The following MPZL3 variants were observed in gnomAD, a reference collection of about 807,000 sequenced individuals.
MPZL3 encodes the protein myelin protein zero-like protein 3.
In MPZL3, 23 loss-of-function variants were observed where a neutral mutation model predicts 24.8. That is an observed-to-expected ratio of 0.93 (90% CI 0.67 to 1.31). The LOEUF is 1.31. Among genes scored for constraint, MPZL3 ranks in the 40% most tolerant of loss-of-function variants. MPZL3 has a pLI of 0.00. For synonymous variants in MPZL3, 99 were observed against 106.5 expected (o/e 0.93, Z 0.44); for missense variants, 277 against 294.9 (o/e 0.94, Z 0.44).
In MPZL3 at chr11:118,229,258, CTGTACTTAATACT is replaced by C. The variant is rs1801407291; in HGVS notation, c.*623_*635del. 1 of 151,874 alleles carries C rather than the reference CTGTACTTAATACT, an allele frequency of 6.6e-6. No homozygotes were observed. Among genetic ancestry groups the C allele is most frequent in the Non-Finnish European group, 1.5e-5 (1 of 67,982 alleles). 9.4% of individuals were successfully genotyped at this position (151,874 alleles called of 1,614,324 possible). ...TTTCCTTAACTGTAAATTGATGACA[CTGTACTTAATACT>C]TTAAAAACCCAGTCAAAGCAAACCA... On this transcript the variant is annotated 3_prime_UTR_variant, in exon 6 of 6. Transcript: ENST00000278949.
intron 1 of MPZL3, among the ~76,000 whole-genome samples, chr11:118,248,079 T>TTA (rs1313408837): frequency 8.2e-6 from 1 of 122,100 alleles, no homozygotes; most frequent in East Asian, 2.0e-4. Flanking sequence ...TCTTTTTTTT[T>TTA]TTTTTTTTTT....
chr11:118,240,499 C>T, intron 1 of MPZL3, 122 bp from the exon 2 acceptor site: 1 of 963,942 alleles, frequency 1.0e-6, no homozygotes, highest in Non-Finnish European at 1.5e-6. Context: ...TAACAACTAT[C>T]TTCTCAGGCA....
intron 1 of MPZL3, among the ~76,000 whole-genome samples, chr11:118,246,693 T>G (rs540826331): frequency 2.5e-4 from 37 of 148,720 alleles, no homozygotes; most frequent in African/African-American, 9.2e-4. Context: ...CAAGTGATCC[T>G]CCCATCTCAG....
chr11:118,240,461 C>G lies in MPZL3; in HGVS notation c.74-84G>C, dbSNP rs1949480370. On this transcript the variant is annotated intron_variant, in intron 1 of 5. Coordinates refer to ENST00000278949, the MANE Select transcript of MPZL3 (RefSeq NM_198275.3). Reference sequence around the variant, plus strand: ...TGAGTGAACAATTATTTTTAGAGCCCTCATCAAAAAGCCAGAGCAATAAAT... The same window carrying G: ...TGAGTGAACAATTATTTTTAGAGCCGTCATCAAAAAGCCAGAGCAATAAAT... 1.1e-5 allele frequency: 16 copies of G among 1,406,544 alleles called. No homozygotes were observed. The East Asian group carries it at 4.3e-4, about 38-fold the overall frequency. The allele number at this position is 1,406,544 out of a possible 1,614,324, so 87.1% of individuals were successfully genotyped here.
chr11:118,228,069 C>T lies in MPZL3; in HGVS notation c.*1825G>A, dbSNP rs1949293923. On this transcript the variant is annotated 3_prime_UTR_variant, in exon 6 of 6. Transcript: ENST00000278949. The stretch of plus-strand genomic sequence containing the variant: ...TTTAACCACTGGAAATGTAAACTGC[C>T]GGTCCTGTCTTTGCCCTTCTACTTC... The T allele has an allele frequency of 6.6e-6, 1 of 152,146 alleles. No individual in the cohort carries two copies. The highest frequency in any genetic ancestry group is 1.9e-4 in the East Asian group (1 of 5,196). 9.4% of individuals were successfully genotyped at this position (152,146 alleles called of 1,614,324 possible).
intron 3 of MPZL3, among the ~76,000 whole-genome samples, chr11:118,236,653 C>G (rs748284737): frequency 6.6e-6 from 1 of 152,142 alleles, no homozygotes; most frequent in South Asian, 2.1e-4. Flanking sequence ...AGGGGGTACC[C>G]TTTCAAGACA....
At chr11:118,233,347 G>T in intron 5 of MPZL3, 113 bp downstream of exon 5, 1 of 1,172,328 alleles carries the variant, frequency 8.5e-7, no homozygotes, top group Non-Finnish European at 1.3e-6. Context: ...TTCATATCTT[G>T]CTTGGACCTA....
At chr11:118,235,708 A>G (rs1476953963) in intron 3 of MPZL3, 119 bp from the exon 4 acceptor site, 1 of 1,038,092 alleles carries the variant, frequency 9.6e-7, no homozygotes, top group Non-Finnish European at 1.4e-6. Flanking sequence ...GTAATAAATC[A>G]TTGTGTGAAA....
At chr11:118,239,535 A>G (rs1949466785) in intron 2 of MPZL3, among the ~76,000 whole-genome samples, 1 of 152,220 alleles carries the variant, frequency 6.6e-6, no homozygotes, top group African/African-American at 2.4e-5. Flanking sequence ...AGAGAAAAAA[A>G]TTTTATAGCA....
chr11:118,230,453 T>C (rs1295121524), intron 5 of MPZL3, among the ~76,000 whole-genome samples: 1 of 152,204 alleles, frequency 6.6e-6, no homozygotes. Context: ...AGGCAATATA[T>C]GTAAATTACT....
At chr11:118,241,987 C>T (rs1258599794) in intron 1 of MPZL3, among the ~76,000 whole-genome samples, 3 of 152,244 alleles carry the variant, frequency 2.0e-5, no homozygotes, top group Non-Finnish European at 4.4e-5. Context: ...TTCTTAGGCC[C>T]TCAATCCTGA....
chr11:118,245,920 A>G (rs1185943605), intron 1 of MPZL3, among the ~76,000 whole-genome samples: 1 of 152,224 alleles, frequency 6.6e-6, no homozygotes, highest in African/African-American at 2.4e-5. Flanking sequence ...CCCAGAGACC[A>G]TGTAGCCCAC....
chr11:118,236,024 G>A (rs972322210), intron 3 of MPZL3, among the ~76,000 whole-genome samples: 5 of 152,066 alleles, frequency 3.3e-5, no homozygotes, highest in African/African-American at 1.2e-4. Context: ...ATTCAAGTTG[G>A]TTCGAATTCT....
In MPZL3 at chr11:118,226,881, C is replaced by A. The variant is rs1949278028; in HGVS notation, c.*3013G>T. 2 of 152,230 alleles carry A rather than the reference C, an allele frequency of 1.3e-5. No individual in the cohort carries two copies. The highest frequency in any genetic ancestry group is 2.1e-4 in the South Asian group (1 of 4,838). 9.4% of individuals were successfully genotyped at this position (152,230 alleles called of 1,614,324 possible). ...GGAATGGAGCTGCCTCTTCTGGCAG[C>A]AAAGTTTCAAGTTGTGCAATTAAAT... On this transcript the variant is annotated 3_prime_UTR_variant, in exon 6 of 6. Coordinates refer to ENST00000278949, the MANE Select transcript of MPZL3 (RefSeq NM_198275.3).
intron 2 of MPZL3, among the ~76,000 whole-genome samples, chr11:118,239,813 T>C (rs1336622499): frequency 1.3e-5 from 2 of 152,184 alleles, no homozygotes; most frequent in Non-Finnish European, 2.9e-5. Context: ...CAACTTAATA[T>C]GACAGAAAAT....
chr11:118,247,641 A>AT (rs1565496694), intron 1 of MPZL3, among the ~76,000 whole-genome samples: 1 of 151,520 alleles, frequency 6.6e-6, no homozygotes, highest in South Asian at 2.1e-4. Flanking sequence ...CGCCTTGTTT[A>AT]TTTTTTGTTT....
intron 1 of MPZL3, among the ~76,000 whole-genome samples, chr11:118,246,758 G>C (rs1949561444): frequency 6.6e-6 from 1 of 151,464 alleles, no homozygotes; most frequent in African/African-American, 2.4e-5. Context: ...CTAATTTTTT[G>C]TATTTTTGGT....
rs201802598 is a variant in MPZL3 at position 118,233,497 on chromosome 11, C to A, written c.644G>T (p.Cys215Phe). Residue 215 changes from cysteine (C) to phenylalanine (F), a missense_variant, in exon 5 of 6, where the codon TGT (cysteine) becomes TTT (phenylalanine). Cys to Phe is a radical substitution (Grantham distance 205). Transcript: ENST00000278949. ...GCAACGGACACAAAGCCTCGCCATA[C>A]ACGCCTCTTCCTCCTCCTGATCAGT... ...DDTDQEEEEACMARLCVRCAE... is the reference protein window; with the variant it reads ...DDTDQEEEEAFMARLCVRCAE... 6.2e-6 allele frequency: 10 copies of A among 1,611,448 alleles called. No individual in the cohort carries two copies. The South Asian group carries it at 9.9e-5, about 16-fold the overall frequency.
At chr11:118,252,152 G>C in intron 1 of MPZL3, 70 bp downstream of exon 1, 1 of 1,545,396 alleles carries the variant, frequency 6.5e-7, no homozygotes. Context: ...CCCCTACCCG[G>C]AACCGGAAAA....
Sources: gnomAD v4.1 joint callset for allele counts (sites outside exome capture counted in the v4.1 genomes callset) on GRCh38, gnomAD v4.1.1 for gene constraint, MANE v1.5 for transcripts, NCBI Gene and HGNC (gene_info 2026-07-23, HGNC 2026-07-21) for gene names.